GARNL3: variants seen among roughly 807,000 people sequenced by gnomAD.
The protein encoded by GARNL3 is GTPase-activating Rap/Ran-GAP domain-like protein 3.
GARNL3 carries 63 observed loss-of-function variants against 125.0 expected under a neutral mutation model. The ratio of observed to expected loss-of-function variants is 0.50; its 90% CI spans 0.41 to 0.62. The LOEUF (loss-of-function observed/expected upper bound fraction) is 0.62. Among genes scored for constraint, GARNL3 ranks in the 20% least tolerant of loss-of-function variants. The pLI, the probability that GARNL3 is intolerant of heterozygous loss-of-function variation, is 0.00. For missense variants in GARNL3, 994 were observed against 1,244.0 expected, an observed-to-expected ratio of 0.80 and a Z score of 3.02; for synonymous variants, 439 against 457.5, an observed-to-expected ratio of 0.96 and a Z score of 0.52.
intron 1 of GARNL3, among the ~76,000 whole-genome samples, chr9:127,285,331 G>A (rs1003764720): frequency 9.2e-5 from 14 of 152,190 alleles, no homozygotes; most frequent in Non-Finnish European, 2.1e-4. Flanking sequence ...ACTGAGGCAG[G>A]AGAATCGCTC....
chr9:127,237,443 G>A (rs1384875828), intron 1 of GARNL3, among the ~76,000 whole-genome samples: 2 of 152,144 alleles, frequency 1.3e-5, no homozygotes, highest in East Asian at 1.9e-4. Context: ...TCTAAATCAC[G>A]TCCAGAACTC....
intron 6 of GARNL3, among the ~76,000 whole-genome samples, chr9:127,324,444 G>A (rs1396033286): frequency 6.6e-6 from 1 of 152,082 alleles, no homozygotes; most frequent in African/African-American, 2.4e-5. Context: ...TCCAGCCTCC[G>A]TGCCTCCATC....
At position 127,335,416 on chromosome 9, in the gene GARNL3, G is replaced by A. The variant is rs555808863; in HGVS notation, c.873+83G>A. On this transcript the variant is annotated intron_variant, in intron 10 of 27. Transcript: ENST00000373387. ...ATGATTCCATAGAATTAGGGGCTAT[G>A]CCGGTTAACATATGAGCTGAGCTGT... is the stretch of plus-strand genomic sequence containing the variant. 4.6e-5 allele frequency: 52 copies of A among 1,123,096 alleles called. No homozygotes were observed. In the African/African-American group the frequency reaches 7.0e-4, roughly 15 times the overall value. The allele number at this position is 1,123,096 out of a possible 1,614,324, so 69.6% of individuals were successfully genotyped here. A position where few individuals can be genotyped will look rare whatever the true frequency, so the allele number is the denominator to read the frequency against.
intron 17 of GARNL3, among the ~76,000 whole-genome samples, chr9:127,350,385 A>G (rs1452169287): frequency 1.3e-5 from 2 of 152,204 alleles, no homozygotes; most frequent in Admixed American, 1.3e-4. Context: ...AAATAAAGTT[A>G]TCTGTATTAA....
chr9:127,227,622 A>T (rs1026329173), intron 1 of GARNL3, among the ~76,000 whole-genome samples: 2 of 151,168 alleles, frequency 1.3e-5, no homozygotes, highest in African/African-American at 4.9e-5. Context: ...AAAACAAAAA[A>T]AAAACCTAAT....
At chr9:127,259,866 C>T (rs527743999), upstream of GARNL3, among the ~76,000 whole-genome samples, 5 of 151,854 alleles carry the variant, frequency 3.3e-5, no homozygotes, top group South Asian at 1.0e-3. Flanking sequence ...GAGACCCCCC[C>T]GCCCATCTCT....
rs1830730788 is a variant in GARNL3, at chr9:127,357,142, A to T, written c.1936-77A>T. On this transcript the variant is annotated intron_variant, in intron 20 of 27. Transcript: ENST00000373387. The stretch of plus-strand genomic sequence containing the variant: ...GAGGGTGCCTTCTCTGTAAGGAGGG[A>T]ATGGGCAGTGGGGCTTGGCATGGAG... 3 of 1,437,158 alleles carry T rather than the reference A, an allele frequency of 2.1e-6. No individual in the cohort carries two copies. The East Asian group carries it at 6.9e-5, about 33-fold the overall frequency. The allele number at this position is 1,437,158 out of a possible 1,614,324, so 89.0% of individuals were successfully genotyped here.
intron 7 of GARNL3, among the ~76,000 whole-genome samples, chr9:127,330,757 G>A (rs1025581573): frequency 5.3e-5 from 8 of 152,162 alleles, no homozygotes; most frequent in East Asian, 1.9e-4. Context: ...TGAAACCTAC[G>A]TGATGGGAGA....
At chr9:127,315,309 G>A (rs928537339) in intron 4 of GARNL3, among the ~76,000 whole-genome samples, 1 of 152,112 alleles carries the variant, frequency 6.6e-6, no homozygotes, top group Admixed American at 6.6e-5. Flanking sequence ...TCTCCCAACT[G>A]CCAGCACACA....
intron 21 of GARNL3, among the ~76,000 whole-genome samples, chr9:127,357,703 C>T (rs1320761804): frequency 5.3e-5 from 8 of 151,566 alleles, no homozygotes; most frequent in South Asian, 2.1e-4. Context: ...TTTGGGAGGC[C>T]GAGGCAGGAG....
chr9:127,339,036 G>A (rs963915833), intron 12 of GARNL3, among the ~76,000 whole-genome samples: 9 of 152,302 alleles, frequency 5.9e-5, no homozygotes, highest in African/African-American at 1.9e-4. Context: ...GGTGGCTCAT[G>A]CCTGTAATCC....
Position 127,255,799 on chromosome 9 carries a change from T to C in GARNL3, c.144-9153T>C, listed in dbSNP as rs532215555. Among the ~76,000 whole-genome samples, 12 of 152,282 alleles carry C rather than the reference T, an allele frequency of 7.9e-5. No individual in the cohort carries two copies. The East Asian group carries it at 2.1e-3, about 27-fold the overall frequency. Reference sequence around the variant, plus strand: ...TAGGTCTGGGGTGGGTCCTGGGACATTGCATTTCTCACCAGCTCATATCAA... The same window carrying C: ...TAGGTCTGGGGTGGGTCCTGGGACACTGCATTTCTCACCAGCTCATATCAA... On this transcript the variant is annotated intron_variant, in intron 2 of 10. Transcript: ENST00000439286.
At chr9:127,307,788 A>T (rs1027640293) in intron 2 of GARNL3, among the ~76,000 whole-genome samples, 1 of 152,218 alleles carries the variant, frequency 6.6e-6, no homozygotes, top group Non-Finnish European at 1.5e-5. Context: ...TCAAGTAAAT[A>T]AAAGTTTTAG....
In GARNL3 at chr9:127,385,014, C is replaced by T. The variant is rs371596690; in HGVS notation, c.2270-13C>T. 13 of 1,568,178 alleles carry T rather than the reference C, an allele frequency of 8.3e-6. No individual in the cohort carries two copies. Among genetic ancestry groups the T allele is most frequent in the African/African-American group, 2.7e-5 (2 of 74,088 alleles). ...GCCAGCAGCTGGGAGGTGACACTCC[C>T]GTTCCCTTGCAGTCTGTGCTTTCCC... On this transcript the variant is annotated splice_polypyrimidine_tract_variant and intron_variant, in intron 23 of 27. Transcript: ENST00000373387. This position sits in a 1 kb window ranked among gnomAD's most constrained non-coding sequence, Gnocchi z 4.1.
chr9:127,385,228 C>T lies in GARNL3; in HGVS notation c.2388+83C>T, dbSNP rs1415123551. The T allele has an allele frequency of 4.0e-6, 3 of 759,038 alleles. No homozygotes were observed. The African/African-American group carries it at 5.3e-5, about 13-fold the overall frequency. The allele number at this position is 759,038 out of a possible 1,614,324, so 47.0% of individuals were successfully genotyped here. A position where few individuals can be genotyped will look rare whatever the true frequency, so the allele number is the denominator to read the frequency against. ...TTTCAGGTGAGCACAGAAGCCGCCT[C>T]TTGTCAAGTTAGGCTGATGAAGACC... On this transcript the variant is annotated intron_variant, in intron 24 of 27. Coordinates refer to ENST00000373387, the MANE Select transcript of GARNL3 (RefSeq NM_032293.5). This position sits in a 1 kb window ranked among gnomAD's most constrained non-coding sequence, Gnocchi z 4.1.
intron 17 of GARNL3, among the ~76,000 whole-genome samples, chr9:127,353,239 T>A (rs544767016): frequency 2.2e-4 from 34 of 152,230 alleles, no homozygotes; most frequent in Admixed American, 1.8e-3. Context: ...TTTCTCTTTA[T>A]TTATGTTTTT....
intron 22 of GARNL3, among the ~76,000 whole-genome samples, chr9:127,378,185 G>A (rs1172390968): frequency 6.7e-6 from 1 of 148,632 alleles, no homozygotes; most frequent in Non-Finnish European, 1.5e-5. Flanking sequence ...AGGATGCAAT[G>A]AGCCAAGATT....
intron 1 of GARNL3, among the ~76,000 whole-genome samples, chr9:127,231,050 A>ATTTTTTTT (rs71308298): frequency 3.2e-4 from 29 of 89,550 alleles, no homozygotes; most frequent in African/African-American, 1.5e-3. Context: ...ATATATATAT[A>ATTTTTTTT]TTTTTTTTTT....
intron 1 of GARNL3, among the ~76,000 whole-genome samples, chr9:127,234,569 A>G (rs1336886236): frequency 1.3e-5 from 2 of 152,202 alleles, no homozygotes; most frequent in Non-Finnish European, 2.9e-5. Context: ...TGAGTTAGCA[A>G]TGAGGTGTGA....
Sources: allele counts gnomAD v4.1 joint callset (sites outside exome capture counted in the v4.1 genomes callset), GRCh38; gene constraint gnomAD v4.1.1; non-coding constraint Gnocchi (gnomAD v3.1); transcripts MANE v1.5; gene names NCBI Gene and HGNC (gene_info 2026-07-23, HGNC 2026-07-21).